PPP2R2B: variants seen among roughly 807,000 people sequenced by gnomAD.
PPP2R2B encodes the protein serine/threonine-protein phosphatase 2A 55 kDa regulatory subunit B beta isoform.
Under a neutral mutation model 46.0 loss-of-function variants are expected in PPP2R2B, and 5 were observed. That is an observed-to-expected ratio of 0.11 (90% CI 0.06 to 0.23). The LOEUF (loss-of-function observed/expected upper bound fraction) is 0.23. Among genes scored for constraint, PPP2R2B ranks in the 10% least tolerant of loss-of-function variants. PPP2R2B has a pLI of 1.00. For missense variants in PPP2R2B, 367 were observed against 575.0 expected (o/e 0.64, Z 3.70); for synonymous variants, 215 against 206.7 (o/e 1.04, Z -0.34).
chr5:146,827,555 A>G (rs1249574686), intron 2 of PPP2R2B, among the ~76,000 whole-genome samples: 1 of 152,152 alleles, frequency 6.6e-6, no homozygotes, highest in African/African-American at 2.4e-5. Flanking sequence ...TTATTTATGT[A>G]TTTTTCAGGA....
At chr5:146,998,553 T>C (rs1754024297) in intron 1 of PPP2R2B, among the ~76,000 whole-genome samples, 1 of 152,158 alleles carries the variant, frequency 6.6e-6, no homozygotes, top group Non-Finnish European at 1.5e-5. Flanking sequence ...TGCAGCCTTC[T>C]AGAAAAACAG....
intron 2 of PPP2R2B, among the ~76,000 whole-genome samples, chr5:146,779,773 G>A (rs1482937534): frequency 1.3e-5 from 2 of 152,130 alleles, no homozygotes; most frequent in Admixed American, 1.3e-4. Context: ...TTCAGATGCT[G>A]AAAACATTTA....
Position 146,894,025 on chromosome 5 carries a change from A to G in PPP2R2B, c.79+161640T>C, listed in dbSNP as rs192460376. Among the ~76,000 whole-genome samples, 56 of 152,262 alleles carry G rather than the reference A, an allele frequency of 3.7e-4. 1 individual carries two copies. In the East Asian group the frequency reaches 9.6e-3, roughly 26 times the overall value. ...TGCGCTGCTACACTCCAGCCTGGGCAATAGAGTGAGACTCAGTCTCAAAAC... is the reference window on the plus strand; with the variant it reads ...TGCGCTGCTACACTCCAGCCTGGGCGATAGAGTGAGACTCAGTCTCAAAAC... On this transcript the variant is annotated intron_variant, in intron 1 of 8. Transcript: ENST00000336640.
At chr5:146,947,117 T>A (rs771232559) in intron 1 of PPP2R2B, among the ~76,000 whole-genome samples, 3 of 152,140 alleles carry the variant, frequency 2.0e-5, no homozygotes, top group Non-Finnish European at 4.4e-5. Context: ...AGGGAAAAAT[T>A]CCATAATATG....
chr5:146,832,377 ATCTTTT>A lies in PPP2R2B; in HGVS notation c.70+45619_70+45624del, dbSNP rs1471159949. Among the ~76,000 whole-genome samples the A allele has an allele frequency of 1.5e-4, 16 of 104,330 alleles. No homozygotes were observed. The East Asian group carries it at 1.9e-3, about 13-fold the overall frequency. The allele number at this position is 104,330 out of a possible 152,430, so 68.4% of individuals were successfully genotyped here. ...TACACAAGTAAGTGTGCCATTTTTA[ATCTTTT>A]TTTTTTTTTTTTTTTTTTTTTTTTT... is the stretch of plus-strand genomic sequence containing the variant. On this transcript the variant is annotated intron_variant, in intron 2 of 9. Coordinates refer to ENST00000394411, the MANE Select transcript of PPP2R2B (RefSeq NM_181675.4).
rs920497972 is a variant in PPP2R2B at position 146,937,366 on chromosome 5, G to C, written c.79+118299C>G. Among the ~76,000 whole-genome samples, 163 of 152,116 alleles carry C rather than the reference G, an allele frequency of 1.1e-3. 2 individuals carry two copies. The highest frequency in any genetic ancestry group is 3.7e-3 in the African/African-American group (152 of 41,528). Reference sequence around the variant, plus strand: ...AGATAGATAGGTAGTAAGTGGCAGAGCTGGGATGGGGCCAGGGCAGTCTTG... The same window carrying C: ...AGATAGATAGGTAGTAAGTGGCAGACCTGGGATGGGGCCAGGGCAGTCTTG... On this transcript the variant is annotated intron_variant, in intron 1 of 8. Transcript: ENST00000336640.
At chr5:146,631,736 C>T (rs1057343381) in intron 7 of PPP2R2B, among the ~76,000 whole-genome samples, 1 of 152,244 alleles carries the variant, frequency 6.6e-6, no homozygotes, top group African/African-American at 2.4e-5. Flanking sequence ...TGTCCTAACA[C>T]ACACGGACAA....
chr5:147,005,030 TCAGA>T (rs762723759), intron 1 of PPP2R2B, among the ~76,000 whole-genome samples: 3 of 152,156 alleles, frequency 2.0e-5, no homozygotes, highest in Non-Finnish European at 4.4e-5. Flanking sequence ...TTTATGGCTA[TCAGA>T]CAGCTGCCTA....
Position 146,972,418 on chromosome 5 carries a change from G to C in PPP2R2B, c.79+83247C>G, listed in dbSNP as rs75991733. Among the ~76,000 whole-genome samples, 31 of 152,164 alleles carry C rather than the reference G, an allele frequency of 2.0e-4. 1 individual carries two copies. In the East Asian group the frequency reaches 6.0e-3, roughly 29 times the overall value. On this transcript the variant is annotated intron_variant, in intron 1 of 8. Coordinates refer to the PPP2R2B transcript ENST00000336640. Reference sequence around the variant, plus strand: ...ATCACTAAGTCAAGCCCAAACTCAAGAGGGAGATGTTGGCTGGGCACGGTG... The same window carrying C: ...ATCACTAAGTCAAGCCCAAACTCAACAGGGAGATGTTGGCTGGGCACGGTG...
chr5:146,676,889 A>G (rs184904503), intron 5 of PPP2R2B, among the ~76,000 whole-genome samples: 16 of 152,308 alleles, frequency 1.1e-4, no homozygotes, highest in African/African-American at 3.6e-4. Context: ...ACCGTCAAGT[A>G]GTGCAACGGC....
chr5:146,622,664 C>T (rs1773783814), intron 7 of PPP2R2B, among the ~76,000 whole-genome samples: 1 of 152,156 alleles, frequency 6.6e-6, no homozygotes, highest in South Asian at 2.1e-4. Context: ...CCAGGCTCTG[C>T]TCCCTCTCCC....
intron 5 of PPP2R2B, among the ~76,000 whole-genome samples, chr5:146,670,221 A>G (rs1777257913): frequency 6.6e-6 from 1 of 152,212 alleles, no homozygotes; most frequent in Non-Finnish European, 1.5e-5. Context: ...AAAAGAATTT[A>G]AAAACAAAAT....
intron 2 of PPP2R2B, among the ~76,000 whole-genome samples, chr5:146,724,328 A>C (rs1309434575): frequency 1.3e-5 from 2 of 149,560 alleles, no homozygotes; most frequent in Non-Finnish European, 3.0e-5. Flanking sequence ...TTTTTTTTTG[A>C]GGGTTACATG....
intron 2 of PPP2R2B, among the ~76,000 whole-genome samples, chr5:146,850,542 A>C (rs938618318): frequency 1.3e-5 from 2 of 152,110 alleles, no homozygotes; most frequent in Non-Finnish European, 2.9e-5. Context: ...CTCTACTGCT[A>C]CTACCATAAA....
chr5:147,007,755 A>G (rs1431977054), intron 1 of PPP2R2B, among the ~76,000 whole-genome samples: 3 of 152,178 alleles, frequency 2.0e-5, no homozygotes, highest in African/African-American at 7.2e-5. Context: ...CATCTTTAAG[A>G]GCTGTAACAC....
chr5:147,064,502 C>T (rs543345891), intron 2 of PPP2R2B, among the ~76,000 whole-genome samples: 5 of 152,298 alleles, frequency 3.3e-5, no homozygotes, highest in East Asian at 3.9e-4. Context: ...TACAGCAATA[C>T]GGCCTCAGAG....
Position 146,681,776 on chromosome 5 carries a change from A to G in PPP2R2B, c.447+9352T>C, listed in dbSNP as rs528941275. Among the ~76,000 whole-genome samples the G allele has an allele frequency of 2.8e-4, 43 of 152,350 alleles. 1 individual carries two copies. The East Asian group carries it at 6.6e-3, about 23-fold the overall frequency. ...AACTCTGCCCTGTCAACCTTCCCAC[A>G]TCTCTGAAATTCAGACCATTTAACA... On this transcript the variant is annotated intron_variant, in intron 5 of 9. Transcript: ENST00000394411.
intron 1 of PPP2R2B, among the ~76,000 whole-genome samples, chr5:146,969,067 C>T (rs964345718): frequency 6.6e-6 from 1 of 152,212 alleles, no homozygotes; most frequent in African/African-American, 2.4e-5. Context: ...ACATAGGCTC[C>T]TACTTGAAGA....
chr5:146,636,354 G>A (rs1774821486), intron 7 of PPP2R2B, among the ~76,000 whole-genome samples: 1 of 152,158 alleles, frequency 6.6e-6, no homozygotes. Flanking sequence ...ATTTGGGAGT[G>A]GGGGTAGAAA....
Sources: allele counts gnomAD v4.1 joint callset (sites outside exome capture counted in the v4.1 genomes callset), GRCh38; gene constraint gnomAD v4.1.1; transcripts MANE v1.5; gene names NCBI Gene and HGNC (gene_info 2026-07-23, HGNC 2026-07-21).